Variants in NBEA observed in about 807,000 individuals in gnomAD.
NBEA encodes the protein neurobeachin, also known as lysosomal-trafficking regulator 2.
Under a neutral mutation model 343.4 loss-of-function variants are expected in NBEA, and 44 were observed. That is an observed-to-expected ratio of 0.13 (90% CI 0.10 to 0.16). The LOEUF is 0.16. Ranked by LOEUF, NBEA falls within the 10% of genes least tolerant of loss-of-function variation. The pLI, the probability that NBEA is intolerant of heterozygous loss-of-function variation, is 1.00. For synonymous variants in NBEA, 1,175 were observed against 1,238.7 expected (o/e 0.95, Z 1.08); for missense variants, 2,555 against 3,631.3 (o/e 0.70, Z 7.62).
chr13:35,113,063 TCTTA>T (rs544747112), intron 13 of NBEA, among the ~76,000 whole-genome samples: 52 of 152,306 alleles, frequency 3.4e-4, no homozygotes, highest in African/African-American at 1.2e-3. Context: ...TTAGTTGCAT[TCTTA>T]CTTTTAATGT....
rs2076195441 is a variant in NBEA at position 35,483,483 on chromosome 13, G to A, written c.6585+10947G>A. 2.6e-5 allele frequency among the ~76,000 whole-genome samples: 4 copies of A among 152,010 alleles called. No homozygotes were observed. The South Asian group carries it at 6.2e-4, about 24-fold the overall frequency. On this transcript the variant is annotated intron_variant, in intron 41 of 58. Transcript: ENST00000379939. ...ATATATGCACATTCTTGGGACATGT[G>A]TATAAATATACATTATCCTAATTTT...
At chr13:35,368,026 G>A (rs899705851) in intron 38 of NBEA, among the ~76,000 whole-genome samples, 1 of 151,528 alleles carries the variant, frequency 6.6e-6, no homozygotes, top group African/African-American at 2.4e-5. Flanking sequence ...TATGGGCAGA[G>A]TTATGTGAAT....
chr13:35,130,046 A>G (rs1254597797), intron 17 of NBEA, among the ~76,000 whole-genome samples: 1 of 152,152 alleles, frequency 6.6e-6, no homozygotes, highest in Admixed American at 6.5e-5. Context: ...TGTCTGTTAA[A>G]GGAATGGAAC....
chr13:35,587,866 A>C (rs2081356678), intron 46 of NBEA, among the ~76,000 whole-genome samples: 2 of 152,170 alleles, frequency 1.3e-5, no homozygotes, highest in Admixed American at 1.3e-4. Flanking sequence ...TTTATCCTAC[A>C]CATGCCCTTG....
chr13:35,095,696 A>C (rs1020543626), intron 10 of NBEA, among the ~76,000 whole-genome samples: 1 of 151,962 alleles, frequency 6.6e-6, no homozygotes, highest in African/African-American at 2.4e-5. Context: ...CAGAACATGT[A>C]TTATGGTACT....
chr13:35,647,608 C>T (rs2084297742), intron 51 of NBEA, among the ~76,000 whole-genome samples: 1 of 152,118 alleles, frequency 6.6e-6, no homozygotes, highest in Admixed American at 6.5e-5. Context: ...TCACTGTCAC[C>T]CAGGCTGGAG....
chr13:35,124,141 G>T (rs1466614824), intron 17 of NBEA, among the ~76,000 whole-genome samples: 1 of 151,868 alleles, frequency 6.6e-6, no homozygotes, highest in African/African-American at 2.4e-5. Flanking sequence ...ACTATCCAGT[G>T]TAGGAATGTT....
chr13:35,075,578 T>G (rs1018572982), intron 10 of NBEA, among the ~76,000 whole-genome samples: 2 of 152,104 alleles, frequency 1.3e-5, no homozygotes, highest in African/African-American at 4.8e-5. Context: ...ATAAAGCATT[T>G]ATGTCAACAG....
chr13:35,533,312 G>A (rs369242745), intron 41 of NBEA, among the ~76,000 whole-genome samples: 6 of 151,958 alleles, frequency 3.9e-5, no homozygotes, highest in African/African-American at 1.2e-4. Context: ...TTTTTAAAAG[G>A]AAAATGTCAC....
intron 34 of NBEA, among the ~76,000 whole-genome samples, chr13:35,246,796 ATAGTATAGGGAGGATCAGGTGG>A (rs1430250855): frequency 6.6e-6 from 1 of 152,128 alleles, no homozygotes; most frequent in African/African-American, 2.4e-5. Context: ...ATCAGCTGTG[ATAGTATAGGGAGGATCAGGTGG>A]TAGTATAGGG....
intron 37 of NBEA, among the ~76,000 whole-genome samples, chr13:35,350,120 C>T (rs1158633779): frequency 6.6e-6 from 1 of 152,146 alleles, no homozygotes; most frequent in Non-Finnish European, 1.5e-5. Context: ...GGAATCTCAA[C>T]TGAATTCCCT....
intron 41 of NBEA, among the ~76,000 whole-genome samples, chr13:35,520,158 C>T (rs912760604): frequency 3.9e-5 from 6 of 152,174 alleles, no homozygotes; most frequent in South Asian, 2.1e-4. Context: ...ACAGGGTTTG[C>T]GCCTGCTGGC....
intron 8 of NBEA, among the ~76,000 whole-genome samples, chr13:35,065,457 A>C (rs1162112928): frequency 6.6e-6 from 1 of 151,882 alleles, no homozygotes; most frequent in African/African-American, 2.4e-5. Context: ...TTAATTTCTC[A>C]GGTATGTGGT....
intron 41 of NBEA, among the ~76,000 whole-genome samples, chr13:35,547,290 G>T (rs1333896893): frequency 6.6e-6 from 1 of 152,198 alleles, no homozygotes; most frequent in Non-Finnish European, 1.5e-5. Context: ...AAGCCATTTA[G>T]AAGCTACTAG....
intron 1 of NBEA, among the ~76,000 whole-genome samples, chr13:35,038,193 C>T (rs1291496272): frequency 6.6e-6 from 1 of 152,064 alleles, no homozygotes; most frequent in Non-Finnish European, 1.5e-5. Context: ...ACCGACATTC[C>T]CTTAAGGACC....
chr13:35,469,883 G>A (rs1032910798), intron 40 of NBEA, among the ~76,000 whole-genome samples: 1 of 152,232 alleles, frequency 6.6e-6, no homozygotes, highest in African/African-American at 2.4e-5. Flanking sequence ...TATGGAAGAT[G>A]TGCTGGCTTG....
At chr13:35,542,457 C>T (rs990209260) in intron 41 of NBEA, among the ~76,000 whole-genome samples, 22 of 151,990 alleles carry the variant, frequency 1.4e-4, no homozygotes, top group Non-Finnish European at 2.9e-4. Context: ...TCTTTTGGTC[C>T]ATATTACATT....
At chr13:35,276,662 C>G (rs1455125868) in intron 34 of NBEA, among the ~76,000 whole-genome samples, 1 of 152,108 alleles carries the variant, frequency 6.6e-6, no homozygotes. Flanking sequence ...TGGGAAAAAA[C>G]TAAATTGGGA....
intron 34 of NBEA, among the ~76,000 whole-genome samples, chr13:35,254,089 T>C (rs951036958): frequency 6.6e-6 from 1 of 152,014 alleles, no homozygotes; most frequent in African/African-American, 2.4e-5. Context: ...TACATCCTTA[T>C]CTAATTTTCA....
Sources: gnomAD v4.1 joint callset for allele counts (sites outside exome capture counted in the v4.1 genomes callset) on GRCh38, gnomAD v4.1.1 for gene constraint, MANE v1.5 for transcripts, NCBI Gene and HGNC (gene_info 2026-07-23, HGNC 2026-07-21) for gene names.